Variants in FBXW7 observed in about 807,000 individuals in gnomAD.
FBXW7 encodes F-box/WD repeat-containing protein 7.
In FBXW7, 11 loss-of-function variants were observed where a neutral mutation model predicts 86.3. The observed-to-expected ratio is 0.13, with a 90% CI of 0.08 to 0.21. The LOEUF (loss-of-function observed/expected upper bound fraction) is 0.21, where lower values mean the gene tolerates loss of function less well. Among genes scored for constraint, FBXW7 ranks in the 10% least tolerant of loss-of-function variants. The probability of loss-of-function intolerance (pLI) is 1.00; values close to 1 mark genes in which losing one functional copy is unlikely to be tolerated. For synonymous variants in FBXW7, 313 were observed against 297.9 expected, an observed-to-expected ratio of 1.05 and a Z score of -0.52; for missense variants, 488 against 847.4, an observed-to-expected ratio of 0.58 and a Z score of 5.27.
chr4:152,419,291 A>G (rs1047926568), intron 2 of FBXW7, among the ~76,000 whole-genome samples: 14 of 152,194 alleles, frequency 9.2e-5, no homozygotes, highest in Non-Finnish European at 2.9e-5. Flanking sequence ...TACATTTCTT[A>G]TAAGTTTATA....
At chr4:152,527,905 T>C (rs1208285076) in intron 2 of FBXW7, among the ~76,000 whole-genome samples, 11 of 144,666 alleles carry the variant, frequency 7.6e-5, no homozygotes, top group African/African-American at 1.8e-4. Flanking sequence ...CACACACATA[T>C]ATATACACAC....
At chr4:152,397,120 T>C (rs950519647) in intron 4 of FBXW7, among the ~76,000 whole-genome samples, 1 of 152,058 alleles carries the variant, frequency 6.6e-6, no homozygotes, top group Non-Finnish European at 1.5e-5. Context: ...CCTCTAGGTG[T>C]AAACAGTGTG....
intron 2 of FBXW7, among the ~76,000 whole-genome samples, chr4:152,520,489 A>C (rs919079984): frequency 6.6e-5 from 10 of 152,006 alleles, no homozygotes; most frequent in African/African-American, 2.4e-4. Context: ...AAAGAGATCT[A>C]GTAGGTCACT....
chr4:152,352,377 G>A lies in FBXW7; in HGVS notation c.502-2253C>T, dbSNP rs1731897348. The A allele has an allele frequency of 4.0e-6, 6 of 1,501,742 alleles. No individual in the cohort carries two copies. The East Asian group carries it at 6.8e-5, about 17-fold the overall frequency. The allele number at this position is 1,501,742 out of a possible 1,614,324, so 93.0% of individuals were successfully genotyped here. On this transcript the variant is annotated intron_variant, in intron 4 of 13. Coordinates refer to ENST00000281708, the MANE Select transcript of FBXW7 (RefSeq NM_001349798.2). ...ATCCAGCCACCCACCAAAATTAGAG[G>A]ATACTGCAGCCATCTCTGATGATAC...
intron 4 of FBXW7, among the ~76,000 whole-genome samples, chr4:152,362,062 A>T (rs181866035): frequency 1.3e-5 from 2 of 152,116 alleles, no homozygotes; most frequent in Admixed American, 6.5e-5. Flanking sequence ...AAACTCCTTT[A>T]TGTGGAATGA....
intron 2 of FBXW7, among the ~76,000 whole-genome samples, chr4:152,501,171 T>C (rs756424348): frequency 1.3e-5 from 2 of 152,220 alleles, no homozygotes; most frequent in Non-Finnish European, 2.9e-5. Flanking sequence ...AGGCCATTAT[T>C]ATGGTACACA....
intron 4 of FBXW7, among the ~76,000 whole-genome samples, chr4:152,354,529 T>C (rs1232194250): frequency 6.6e-6 from 1 of 152,116 alleles, no homozygotes; most frequent in Non-Finnish European, 1.5e-5. Flanking sequence ...GTAATACTAG[T>C]GCTATAATAG....
intron 13 of FBXW7, chr4:152,323,890 T>C (rs145588896): frequency 1.8e-4 from 48 of 267,442 alleles, no homozygotes; most frequent in African/African-American, 8.3e-4. Flanking sequence ...AATGAGTACG[T>C]TGCTTCTATG....
Position 152,521,849 on chromosome 4 carries a change from C to T in FBXW7, c.-120+13092G>A, listed in dbSNP as rs1239948355. On this transcript the variant is annotated intron_variant, in intron 2 of 13. Coordinates refer to ENST00000281708, the MANE Select transcript of FBXW7 (RefSeq NM_001349798.2). ...TTTTTTTTTTTTTGAGACTGAGTCT[C>T]GCCCTGTCACCCAGGCTGGAGTGCA... 2.5e-5 allele frequency among the ~76,000 whole-genome samples: 3 copies of T among 121,222 alleles called. No individual in the cohort carries two copies. In the East Asian group the frequency reaches 7.5e-4, roughly 30 times the overall value. The allele number at this position is 121,222 out of a possible 152,430, so 79.5% of individuals were successfully genotyped here.
At chr4:152,328,628 G>A (rs979511510) in intron 10 of FBXW7, 1 of 307,218 alleles carries the variant, frequency 3.3e-6, no homozygotes, top group Non-Finnish European at 5.9e-6. Context: ...GCAAACATAT[G>A]ATATAAAACA....
rs1005310845 is a variant in FBXW7, at chr4:152,321,110, T to C, written c.*1771A>G. 1 of 191,108 alleles carries C rather than the reference T, an allele frequency of 5.2e-6. No homozygotes were observed. Among genetic ancestry groups the C allele is most frequent in the African/African-American group, 2.3e-5 (1 of 43,030 alleles). 11.8% of individuals were successfully genotyped at this position (191,108 alleles called of 1,614,324 possible). On this transcript the variant is annotated 3_prime_UTR_variant, in exon 14 of 14. Transcript: ENST00000281708. The stretch of plus-strand genomic sequence containing the variant: ...CAGTTGCAGCACATTATCCTTACTT[T>C]CGCGGTATAAAACAGGCTTGAAGTA...
intron 2 of FBXW7, among the ~76,000 whole-genome samples, chr4:152,522,124 T>C (rs1379198727): frequency 6.6e-6 from 1 of 152,112 alleles, no homozygotes; most frequent in Non-Finnish European, 1.5e-5. Flanking sequence ...CTCCAAGGTT[T>C]CCCCCAATAG....
chr4:152,477,055 C>T (rs1294581341), intron 2 of FBXW7, among the ~76,000 whole-genome samples: 3 of 131,300 alleles, frequency 2.3e-5, no homozygotes, highest in Admixed American at 7.7e-5. Context: ...GGAAAAGCGG[C>T]AAAAAAAAAA....
intron 2 of FBXW7, among the ~76,000 whole-genome samples, chr4:152,439,691 C>T (rs1050456862): frequency 2.0e-5 from 3 of 151,842 alleles, no homozygotes; most frequent in South Asian, 4.2e-4. Context: ...AGTGAAACCC[C>T]GTCTCTACTA....
chr4:152,352,390 T>G (rs1731897953), intron 4 of FBXW7: 1 of 1,570,922 alleles, frequency 6.4e-7, no homozygotes, highest in Non-Finnish European at 8.7e-7. Flanking sequence ...ACTGCAGCCA[T>G]CTCTGATGAT....
At chr4:152,494,182 G>A (rs1746103763) in intron 2 of FBXW7, among the ~76,000 whole-genome samples, 1 of 152,156 alleles carries the variant, frequency 6.6e-6, no homozygotes, top group South Asian at 2.1e-4. Context: ...GTACTGCAGA[G>A]AAAGGGAGAA....
intron 6 of FBXW7, among the ~76,000 whole-genome samples, chr4:152,342,905 C>G (rs967691553): frequency 4.6e-5 from 7 of 152,168 alleles, no homozygotes; most frequent in Non-Finnish European, 8.8e-5. Flanking sequence ...TTCTTCAAGT[C>G]TTTCACACAA....
At position 152,411,736 on chromosome 4, in the gene FBXW7, G is replaced by A. The variant is rs2126882336; in HGVS notation, c.68C>T (p.Pro23Leu). The change falls in exon 4 of 14, where the codon CCT becomes CTT. Residue 23 changes from proline to leucine, a missense_variant. This residue lies in a region of FBXW7 where 230 missense variants were observed against 240.0 expected (regional missense o/e 0.96). Coordinates refer to ENST00000281708, the MANE Select transcript of FBXW7 (RefSeq NM_001349798.2). ...RRTGGSLRGN[P>L]SSSQVDEEQM... ...TTCTTCATCTACCTGGCTTGAGGAA[G>A]GGTTACCTCTCAGAGAGCCTCCAGT... 6.2e-7 allele frequency: 1 copy of A among 1,613,540 alleles called. No individual in the cohort carries two copies. The highest frequency in any genetic ancestry group is 8.5e-7 in the Non-Finnish European group (1 of 1,179,776).
At chr4:152,523,071 A>T (rs1290917839) in intron 2 of FBXW7, among the ~76,000 whole-genome samples, 1 of 152,270 alleles carries the variant, frequency 6.6e-6, no homozygotes, top group Non-Finnish European at 1.5e-5. Context: ...ATAAATTAAC[A>T]AGCATTTTTT....
Sources: gnomAD v4.1 joint callset for allele counts (sites outside exome capture counted in the v4.1 genomes callset) on GRCh38, gnomAD v4.1.1 for gene constraint, gnomAD v4.1.1 regional missense constraint, MANE v1.5 for transcripts, NCBI Gene and HGNC (gene_info 2026-07-23, HGNC 2026-07-21) for gene names.